PARN: variants seen among roughly 807,000 people sequenced by gnomAD.
PARN encodes the protein poly(A)-specific ribonuclease PARN.
Under a neutral mutation model 102.8 loss-of-function variants are expected in PARN, and 71 were observed. The ratio of observed to expected loss-of-function variants is 0.69; its 90% CI spans 0.57 to 0.84. The LOEUF (loss-of-function observed/expected upper bound fraction) is 0.84, where lower values mean the gene tolerates loss of function less well. Among genes scored for constraint, PARN ranks in the 40% least tolerant of loss-of-function variants. PARN has a pLI of 0.00. For synonymous variants in PARN, 261 were observed against 252.9 expected (o/e 1.03, Z -0.30); for missense variants, 782 against 760.9 (o/e 1.03, Z -0.33).
intron 20 of PARN, 70 bp from the exon 21 acceptor site, chr16:14,552,165 T>A: frequency 1.1e-6 from 1 of 908,848 alleles, no homozygotes; most frequent in South Asian, 1.4e-5. Flanking sequence ...AATGCGCGTA[T>A]CTTACATATT....
At position 14,623,563 on chromosome 16, in the gene PARN, G is replaced by A. The variant is rs574660490; in HGVS notation, c.327+3543C>T. On this transcript the variant is annotated intron_variant, in intron 5 of 23. Transcript: ENST00000437198. ...AAAAAAGAAACACATCTGGCCAGGCGCGATGGCTCACGTCTATAATCCCAG... is the reference window on the plus strand; with the variant it reads ...AAAAAAGAAACACATCTGGCCAGGCACGATGGCTCACGTCTATAATCCCAG... 1.6e-4 allele frequency among the ~76,000 whole-genome samples: 24 copies of A among 150,970 alleles called. 1 individual carries two copies. The highest frequency in any genetic ancestry group is 5.4e-4 in the African/African-American group (22 of 41,108).
chr16:14,579,390 A>G (rs1280365569), intron 18 of PARN, among the ~76,000 whole-genome samples: 1 of 152,204 alleles, frequency 6.6e-6, no homozygotes, highest in Non-Finnish European at 1.5e-5. Context: ...TTTTATAAGG[A>G]GCTGACTTTA....
chr16:14,453,082 T>C (rs544411147), intron 22 of PARN, among the ~76,000 whole-genome samples: 2 of 152,310 alleles, frequency 1.3e-5, no homozygotes, highest in Non-Finnish European at 2.9e-5. Context: ...CAATCTCCCA[T>C]TTGTATGACC....
At chr16:14,453,854 C>T (rs1961569646) in intron 22 of PARN, among the ~76,000 whole-genome samples, 1 of 152,070 alleles carries the variant, frequency 6.6e-6, no homozygotes, top group African/African-American at 2.4e-5. Context: ...TTTGTCATTA[C>T]AAATAATGCT....
intron 22 of PARN, among the ~76,000 whole-genome samples, chr16:14,447,801 GC>G (rs1961267097): frequency 6.6e-6 from 1 of 152,042 alleles, no homozygotes; most frequent in Admixed American, 6.6e-5. Context: ...TTTTATTATA[GC>G]CCCCAAGTTA....
At chr16:14,457,684 G>T (rs1389018752) in intron 22 of PARN, among the ~76,000 whole-genome samples, 1 of 150,794 alleles carries the variant, frequency 6.6e-6, no homozygotes. Context: ...TGTAATCCCA[G>T]CTACTCGGAA....
chr16:14,483,430 G>C (rs886448753), intron 21 of PARN, among the ~76,000 whole-genome samples: 1 of 152,190 alleles, frequency 6.6e-6, no homozygotes. Context: ...CCATCCCTGG[G>C]TGAATGGCAG....
intron 20 of PARN, among the ~76,000 whole-genome samples, chr16:14,552,953 AAATAATAAT>A (rs906263154): frequency 6.6e-6 from 1 of 151,856 alleles, no homozygotes; most frequent in African/African-American, 2.4e-5. Flanking sequence ...TGTCTCAAAA[AAATAATAAT>A]AATAATAATA....
At chr16:14,589,246 T>C (rs1010931226) in intron 13 of PARN, among the ~76,000 whole-genome samples, 1 of 152,010 alleles carries the variant, frequency 6.6e-6, no homozygotes, top group Admixed American at 6.6e-5. Context: ...AGCTGCTACT[T>C]TGATCTACTT....
At chr16:14,582,723 G>A (rs548218153) in intron 16 of PARN, among the ~76,000 whole-genome samples, 80 of 152,162 alleles carry the variant, frequency 5.3e-4, no homozygotes, top group East Asian at 9.7e-4. Flanking sequence ...GTCACACTGA[G>A]TTCGAATCTC....
chr16:14,600,873 G>T (rs1970827272), intron 11 of PARN, among the ~76,000 whole-genome samples: 1 of 152,070 alleles, frequency 6.6e-6, no homozygotes, highest in Non-Finnish European at 1.5e-5. Flanking sequence ...GAGGTTGCAT[G>T]CTGTAAGCCA....
At chr16:14,580,317 T>C (rs916630393) in intron 18 of PARN, among the ~76,000 whole-genome samples, 2 of 151,916 alleles carry the variant, frequency 1.3e-5, no homozygotes, top group African/African-American at 2.4e-5. Context: ...AGACAGAGTT[T>C]TGCTGTGTTG....
intron 12 of PARN, among the ~76,000 whole-genome samples, chr16:14,599,032 C>T (rs975313202): frequency 2.0e-5 from 3 of 146,946 alleles, no homozygotes; most frequent in Admixed American, 7.0e-5. Context: ...TTTCTTTCTC[C>T]TCTTCTTTTT....
chr16:14,524,642 A>T (rs1446062691), intron 21 of PARN, among the ~76,000 whole-genome samples: 2 of 152,240 alleles, frequency 1.3e-5, no homozygotes, highest in Admixed American at 1.3e-4. Flanking sequence ...AAGATATTTT[A>T]TCTCCACTAG....
At chr16:14,580,729 T>C (rs999616677) in intron 18 of PARN, 145 bp downstream of exon 18, 1 of 524,520 alleles carries the variant, frequency 1.9e-6, no homozygotes, top group African/African-American at 1.9e-5. Flanking sequence ...CTTTCTACTT[T>C]CAAAAAACAT....
chr16:14,628,023 C>CAA, intron 3 of PARN, 149 bp downstream of exon 3: 16 of 515,984 alleles, frequency 3.1e-5, no homozygotes, highest in Admixed American at 3.5e-5. Context: ...CAAGACAAAA[C>CAA]AAAAAAAAAA....
At chr16:14,471,126 G>A (rs939082881) in intron 22 of PARN, among the ~76,000 whole-genome samples, 3 of 152,130 alleles carry the variant, frequency 2.0e-5, no homozygotes, top group African/African-American at 7.2e-5. Context: ...TGCTTCCCCA[G>A]CTGTGCTTTT....
At chr16:14,453,948 T>C (rs1300449038) in intron 22 of PARN, among the ~76,000 whole-genome samples, 3 of 152,332 alleles carry the variant, frequency 2.0e-5, no homozygotes, top group African/African-American at 7.2e-5. Flanking sequence ...TAGAAGGATT[T>C]CTGGGTGATA....
intron 21 of PARN, 68 bp from the exon 22 acceptor site, chr16:14,482,895 T>C: frequency 7.3e-7 from 1 of 1,376,796 alleles, no homozygotes; most frequent in Non-Finnish European, 9.8e-7. Context: ...ATGACACTTT[T>C]GAAATGTGGC....
Sources: gnomAD v4.1 joint callset for allele counts (sites outside exome capture counted in the v4.1 genomes callset) on GRCh38, gnomAD v4.1.1 for gene constraint, MANE v1.5 for transcripts, NCBI Gene and HGNC (gene_info 2026-07-23, HGNC 2026-07-21) for gene names.